Variants in FGF8 observed in about 807,000 individuals in gnomAD.
FGF8 encodes the protein fibroblast growth factor 8, also known as androgen-induced growth factor.
In FGF8, 12 loss-of-function variants were observed where a neutral mutation model predicts 29.7. That is an observed-to-expected ratio of 0.40 (90% confidence interval 0.26 to 0.65). The LOEUF is 0.65. Ranked by LOEUF, FGF8 falls within the 30% of genes least tolerant of loss-of-function variation. FGF8 has a pLI of 0.37. For synonymous variants in FGF8, 157 were observed against 144.4 expected (o/e 1.09, Z -0.63); for missense variants, 271 against 345.1 (o/e 0.79, Z 1.70).
At chr10:101,776,627 C>T (rs527654035), upstream of FGF8, among the ~76,000 whole-genome samples, 11 of 152,120 alleles carry the variant, frequency 7.2e-5, no homozygotes, top group African/African-American at 2.4e-4. Context: ...TGTGTCCCGC[C>T]GGGCCCCTGG....
upstream of FGF8, among the ~76,000 whole-genome samples, chr10:101,779,816 G>A (rs570214042): frequency 1.4e-3 from 206 of 152,364 alleles, 2 homozygotes; most frequent in African/African-American, 4.8e-3. This position sits in a 1 kb window ranked among gnomAD's most constrained non-coding sequence, Gnocchi z 5.7. Context: ...CCAAGAAGAG[G>A]AAGGGAAAGA....
chr10:101,770,858 C>A (rs924027806), intron 5 of FGF8, among the ~76,000 whole-genome samples: 1 of 151,428 alleles, frequency 6.6e-6, no homozygotes, highest in Non-Finnish European at 1.5e-5. Flanking sequence ...TGGGCCCCAA[C>A]GCAGAAAGAC....
intron 4 of FGF8, among the ~76,000 whole-genome samples, chr10:101,774,059 G>A (rs1281138602): frequency 6.6e-6 from 1 of 152,200 alleles, no homozygotes; most frequent in Non-Finnish European, 1.5e-5. Flanking sequence ...CGCCCAGAGG[G>A]CTTGCTTTTC....
chr10:101,770,541 A>C lies in FGF8; in HGVS notation c.523T>G (p.Tyr175Asp). The change falls in exon 6 of 6, where the codon TAC becomes GAC. Residue 175 changes from tyrosine (Y) to aspartate (D), a missense_variant. Physicochemically the swap from Tyr to Asp is radical, Grantham distance 160 (BLOSUM62 -3). This residue lies in a region of FGF8 where 41 missense variants were observed against 80.0 expected (regional missense o/e 0.51). Coordinates refer to ENST00000320185, the MANE Select transcript of FGF8 (RefSeq NM_033163.5). Reference sequence around the variant, plus strand: ...GTGAAGGCCATGTACCAGCCCTCGTACTTGGCATTCTGCAGCGCTGTGTAG... The same window carrying C: ...GTGAAGGCCATGTACCAGCCCTCGTCCTTGGCATTCTGCAGCGCTGTGTAG... ...NNYTALQNAK[Y>D]EGWYMAFTRK... The C allele has an allele frequency of 6.2e-7, 1 of 1,613,538 alleles. No individual in the cohort carries two copies. Among genetic ancestry groups the C allele is most frequent in the Non-Finnish European group, 8.5e-7 (1 of 1,179,976 alleles).
At chr10:101,780,040 G>C (rs1408998967), upstream of FGF8, among the ~76,000 whole-genome samples, 4 of 152,198 alleles carry the variant, frequency 2.6e-5, no homozygotes, top group Non-Finnish European at 5.9e-5. Context: ...GACCACGAGC[G>C]GCTTCAACCT....
rs1455560081 is a variant in FGF8 at position 101,775,958 on chromosome 10, G to A, written c.-58C>T. The A allele has an allele frequency of 1.2e-5, 13 of 1,116,022 alleles. No individual in the cohort carries two copies. In the Admixed American group the frequency reaches 5.8e-4, roughly 49 times the overall value. 69.1% of individuals were successfully genotyped at this position (1,116,022 alleles called of 1,614,324 possible). ...GGGTCACGCCGTCCCGCGGGCCGCC[G>A]CGGGAGGACGCGCTGAGCAGGGCGC... On this transcript the variant is annotated 5_prime_UTR_variant, in exon 1 of 6. Coordinates refer to ENST00000320185, the MANE Select transcript of FGF8 (RefSeq NM_033163.5). The surrounding 1 kb of genome is among the most constrained non-coding windows in gnomAD (Gnocchi z 4.6).
At chr10:101,770,763 T>A in intron 5 of FGF8, 144 bp from the exon 6 acceptor site, 1 of 851,656 alleles carries the variant, frequency 1.2e-6, no homozygotes, top group East Asian at 2.6e-5. Flanking sequence ...GGGCACCCGC[T>A]CTCTAATCCC....
chr10:101,775,764 C>CA lies in FGF8; in HGVS notation c.44dup (p.Leu15PhefsTer46). 1 of 1,545,678 alleles carries CA rather than the reference C, an allele frequency of 6.5e-7. No homozygotes were observed. Among genetic ancestry groups the CA allele is most frequent in the Non-Finnish European group, 8.7e-7 (1 of 1,146,050 alleles). On this transcript the variant is annotated frameshift_variant, in exon 2 of 6. Coordinates refer to ENST00000320185, the MANE Select transcript of FGF8 (RefSeq NM_033163.5). LOFTEE classifies it high-confidence loss of function. This position sits in a 1 kb window ranked among gnomAD's most constrained non-coding sequence, Gnocchi z 4.6. ...CCTGGGCTTGGAGGCAGAGGACCAGCAAGTGCAACAGCCTGTGGGAGACAA... is the reference window on the plus strand; with the variant it reads ...CCTGGGCTTGGAGGCAGAGGACCAGCAAAGTGCAACAGCCTGTGGGAGACAA...
Position 101,775,034 on chromosome 10 carries a change from C to A in FGF8, c.156+96G>T, listed in dbSNP as rs571747403. ...AAGCCGCCAGCAGGTGCTGGGGGTT[C>A]CCCCAACATGCCAGCCCAGGCCACC... On this transcript the variant is annotated intron_variant, in intron 3 of 5. Coordinates refer to ENST00000320185, the MANE Select transcript of FGF8 (RefSeq NM_033163.5). The surrounding 1 kb of genome is among the most constrained non-coding windows in gnomAD (Gnocchi z 4.6). 6.7e-7 allele frequency: 1 copy of A among 1,497,604 alleles called. No homozygotes were observed. The highest frequency in any genetic ancestry group is 1.9e-5 in the Admixed American group (1 of 51,618). 92.8% of individuals were successfully genotyped at this position (1,497,604 alleles called of 1,614,324 possible). A position where few individuals can be genotyped will look rare whatever the true frequency, so the allele number is the denominator to read the frequency against.
chr10:101,777,972 A>AGGTGGGTCCATCAGGCGGAGACAT (rs1322640347), upstream of FGF8, among the ~76,000 whole-genome samples: 3 of 152,194 alleles, frequency 2.0e-5, no homozygotes, highest in Non-Finnish European at 2.9e-5. Flanking sequence ...GGCGGAGACA[A>AGGTGGGTCCATCAGGCGGAGACAT]GTCAGGTGGA....
chr10:101,777,661 C>T (rs1367887644), upstream of FGF8, among the ~76,000 whole-genome samples: 3 of 152,212 alleles, frequency 2.0e-5, no homozygotes, highest in African/African-American at 7.2e-5. Flanking sequence ...GGGCTCTTGC[C>T]CACACAGACC....
At chr10:101,779,621 C>T (rs931110231), upstream of FGF8, among the ~76,000 whole-genome samples, 1 of 151,996 alleles carries the variant, frequency 6.6e-6, no homozygotes, top group Non-Finnish European at 1.5e-5. This position sits in a 1 kb window ranked among gnomAD's most constrained non-coding sequence, Gnocchi z 5.7. Context: ...GGGAGACCTA[C>T]CCGGAAAACC....
intron 4 of FGF8, among the ~76,000 whole-genome samples, chr10:101,773,954 TAG>T (rs1179750631): frequency 6.6e-6 from 1 of 152,258 alleles, no homozygotes; most frequent in Non-Finnish European, 1.5e-5. Flanking sequence ...TACATTTTAA[TAG>T]AGTCTTCCCC....
chr10:101,770,839 C>T (rs1485651593), intron 5 of FGF8, among the ~76,000 whole-genome samples: 1 of 152,206 alleles, frequency 6.6e-6, no homozygotes, highest in East Asian at 1.9e-4. Flanking sequence ...TGGTTGTCTA[C>T]GGAGGGGCTG....
chr10:101,773,071 A>G (rs1282605286), intron 4 of FGF8, among the ~76,000 whole-genome samples: 1 of 151,962 alleles, frequency 6.6e-6, no homozygotes, highest in East Asian at 1.9e-4. Context: ...CCTCTCTGCT[A>G]TTCTCCCCGG....
rs1419743595 is a variant in FGF8, at chr10:101,770,629, G to C, written c.445-10C>G. ...TGCCTTTGCCGTTGCTCTGCAGGTA[G>C]GGGAGCCAGACACCACGTTACAGAG... On this transcript the variant is annotated splice_polypyrimidine_tract_variant and intron_variant, in intron 5 of 5. Transcript: ENST00000320185. The C allele has an allele frequency of 6.2e-7, 1 of 1,606,474 alleles. No homozygotes were observed. The highest frequency in any genetic ancestry group is 1.3e-5 in the African/African-American group (1 of 74,904).
chr10:101,775,960 G>A lies in FGF8; in HGVS notation c.-60C>T. 9.0e-7 allele frequency: 1 copy of A among 1,116,436 alleles called. No individual in the cohort carries two copies. Among genetic ancestry groups the A allele is most frequent in the East Asian group, 4.4e-5 (1 of 22,896 alleles). 69.2% of individuals were successfully genotyped at this position (1,116,436 alleles called of 1,614,324 possible). On this transcript the variant is annotated 5_prime_UTR_variant, in exon 1 of 6. Transcript: ENST00000320185. The surrounding 1 kb of genome is among the most constrained non-coding windows in gnomAD (Gnocchi z 4.6). ...GTCACGCCGTCCCGCGGGCCGCCGCGGGAGGACGCGCTGAGCAGGGCGCGA... is the reference window on the plus strand; with the variant it reads ...GTCACGCCGTCCCGCGGGCCGCCGCAGGAGGACGCGCTGAGCAGGGCGCGA...
upstream of FGF8, among the ~76,000 whole-genome samples, chr10:101,776,589 T>C (rs2065098228): frequency 1.3e-5 from 2 of 151,970 alleles, no homozygotes; most frequent in Non-Finnish European, 2.9e-5. Flanking sequence ...CGCCGCCGGC[T>C]ACGCAGTGGT....
In FGF8 at chr10:101,770,340, C is replaced by G; in HGVS notation, c.724G>C (p.Glu242Gln). 1 of 1,595,170 alleles carries G rather than the reference C, an allele frequency of 6.3e-7. No individual in the cohort carries two copies. The highest frequency in any genetic ancestry group is 8.5e-7 in the Non-Finnish European group (1 of 1,172,310). The change falls in exon 6 of 6, where the codon GAG becomes CAG. Residue 242 changes from glutamate (E) to glutamine (Q), a missense_variant. Transcript: ENST00000320185. ...LRGSQRTWAP[E>Q]PR ...GGGCCAGGCAGCACCTATCGGGGCT[C>G]GGGGGCCCAAGTCCTCTGGCTGCCG...
Sources: gnomAD v4.1 joint callset for allele counts (sites outside exome capture counted in the v4.1 genomes callset) on GRCh38, gnomAD v4.1.1 for gene constraint, gnomAD v4.1.1 regional missense constraint, Gnocchi (gnomAD v3.1) non-coding constraint, MANE v1.5 for transcripts, NCBI Gene and HGNC (gene_info 2026-07-23, HGNC 2026-07-21) for gene names.